Variants in SCTR observed in about 807,000 individuals in gnomAD.
SCTR encodes secretin receptor, also known as pancreatic secretin receptor.
A neutral mutation model predicts 60.8 loss-of-function variants in SCTR; 56 were observed. The observed-to-expected ratio is 0.92, with a 90% CI of 0.74 to 1.15. SCTR has a LOEUF of 1.15. Ranked by LOEUF, SCTR falls within the 50% of genes most tolerant of loss-of-function variation. The pLI, the probability that SCTR is intolerant of heterozygous loss-of-function variation, is 0.00. For synonymous variants in SCTR, 202 were observed against 217.0 expected, an observed-to-expected ratio of 0.93 and a Z score of 0.61; for missense variants, 562 against 550.4, an observed-to-expected ratio of 1.02 and a Z score of -0.21.
At chr2:119,460,459 G>C (rs1573821676) in intron 7 of SCTR, among the ~76,000 whole-genome samples, 1 of 151,902 alleles carries the variant, frequency 6.6e-6, no homozygotes, top group Non-Finnish European at 1.5e-5. Context: ...TGGATGGATG[G>C]ATGGATGGAT....
At chr2:119,499,757 T>G (rs1260671871) in intron 1 of SCTR, among the ~76,000 whole-genome samples, 2 of 151,428 alleles carry the variant, frequency 1.3e-5, no homozygotes, top group Admixed American at 6.6e-5. Flanking sequence ...CTCAGAAAAA[T>G]AGGAACAGAG....
chr2:119,459,496 T>TGA, intron 7 of SCTR, among the ~76,000 whole-genome samples: 1 of 152,078 alleles, frequency 6.6e-6, no homozygotes, highest in Non-Finnish European at 1.5e-5. Context: ...GAAATCAGTA[T>TGA]AATTTCAAGC....
At chr2:119,451,517 G>A (rs6707828) in intron 9 of SCTR, among the ~76,000 whole-genome samples, 3,126 of 152,242 alleles carry the variant, frequency 0.021, 99 homozygotes, top group African/African-American at 0.072. Context: ...CTTCCCTGGG[G>A]CCGCCCCTCC....
chr2:119,482,328 G>A (rs1007938207), intron 2 of SCTR, among the ~76,000 whole-genome samples: 1 of 152,236 alleles, frequency 6.6e-6, no homozygotes, highest in Non-Finnish European at 1.5e-5. Context: ...GGAAGTGGGA[G>A]GGCCCAGAGA....
chr2:119,455,130 AG>A (rs1175540980), intron 7 of SCTR, among the ~76,000 whole-genome samples: 1 of 152,148 alleles, frequency 6.6e-6, no homozygotes, highest in East Asian at 1.9e-4. Context: ...CGGGCCGCTC[AG>A]TTTTCAGGCC....
chr2:119,499,244 T>C (rs1678450357), intron 1 of SCTR, among the ~76,000 whole-genome samples: 1 of 152,022 alleles, frequency 6.6e-6, no homozygotes, highest in Non-Finnish European at 1.5e-5. Context: ...CTGATAGAAC[T>C]GAAAGGAGAA....
intron 7 of SCTR, 28 bp downstream of exon 7, chr2:119,461,819 C>T (rs746518234): frequency 4.4e-6 from 7 of 1,589,282 alleles, no homozygotes; most frequent in Non-Finnish European, 6.0e-6. Flanking sequence ...ACATACCATG[C>T]AGATATCAGA....
In SCTR at chr2:119,494,411, T is replaced by C. The variant is rs758326260; in HGVS notation, c.193+17A>G. ...TCCACCCCCAAGAGAGGACATGGGC[T>C]GTGGCAAGCCTCATACCTGGCACTG... is the stretch of plus-strand genomic sequence containing the variant. On this transcript the variant is annotated intron_variant, in intron 2 of 12. Transcript: ENST00000019103. The C allele has an allele frequency of 8.1e-6, 13 of 1,612,614 alleles. No individual in the cohort carries two copies. The highest frequency in any genetic ancestry group is 1.0e-5 in the Non-Finnish European group (12 of 1,179,322).
chr2:119,479,012 A>C (rs1009971075), intron 2 of SCTR, 94 bp from the exon 3 acceptor site: 9 of 1,553,764 alleles, frequency 5.8e-6, no homozygotes, highest in Non-Finnish European at 7.8e-6. Context: ...GCCTGCCTGG[A>C]ATTCCCACTA....
At chr2:119,504,742 C>A (rs961321186) in intron 1 of SCTR, among the ~76,000 whole-genome samples, 2 of 152,010 alleles carry the variant, frequency 1.3e-5, no homozygotes, top group Non-Finnish European at 1.5e-5. Context: ...AAAATTAAAA[C>A]CTTTGCTCCT....
chr2:119,490,530 A>G (rs1257345803), intron 2 of SCTR, among the ~76,000 whole-genome samples: 1 of 152,124 alleles, frequency 6.6e-6, no homozygotes, highest in Non-Finnish European at 1.5e-5. Context: ...GTCTAAAACT[A>G]CATGTGTGAT....
chr2:119,516,479 G>A (rs1679120053), intron 1 of SCTR, among the ~76,000 whole-genome samples: 1 of 152,042 alleles, frequency 6.6e-6, no homozygotes, highest in Admixed American at 6.6e-5. Context: ...GAAAAATACT[G>A]CATGATCTTA....
At chr2:119,451,291 T>C (rs1387605720) in intron 9 of SCTR, among the ~76,000 whole-genome samples, 1 of 152,170 alleles carries the variant, frequency 6.6e-6, no homozygotes, top group Non-Finnish European at 1.5e-5. Flanking sequence ...CCTTCCCTCC[T>C]CTGTCCCCCT....
chr2:119,452,968 G>T (rs1447290740), intron 8 of SCTR, among the ~76,000 whole-genome samples: 2 of 152,192 alleles, frequency 1.3e-5, no homozygotes, highest in African/African-American at 4.8e-5. Flanking sequence ...GAAAAAGCTG[G>T]ACTGGCCCTT....
At chr2:119,477,711 A>G (rs966539861) in intron 3 of SCTR, among the ~76,000 whole-genome samples, 7 of 152,186 alleles carry the variant, frequency 4.6e-5, no homozygotes, top group East Asian at 1.9e-4. Flanking sequence ...TCGGCCTCCC[A>G]AAGTACTGGG....
intron 2 of SCTR, 73 bp from the exon 3 acceptor site, chr2:119,478,991 C>T: frequency 1.3e-6 from 2 of 1,590,370 alleles, no homozygotes; most frequent in Non-Finnish European, 1.7e-6. Flanking sequence ...GTCCACATCA[C>T]CGACACCCTT....
intron 3 of SCTR, chr2:119,476,317 C>A (rs149586070): frequency 6.6e-6 from 1 of 152,236 alleles, no homozygotes; most frequent in Admixed American, 6.5e-5. Context: ...GCCACCCACC[C>A]CCAGGCTGGG....
intron 1 of SCTR, among the ~76,000 whole-genome samples, chr2:119,499,267 A>G (rs921306964): frequency 1.2e-4 from 19 of 152,080 alleles, no homozygotes; most frequent in Non-Finnish European, 1.9e-4. Context: ...AGGCAAATCT[A>G]CAATTTTAGT....
intron 1 of SCTR, among the ~76,000 whole-genome samples, chr2:119,503,691 G>A (rs1018569603): frequency 6.6e-6 from 1 of 152,162 alleles, no homozygotes; most frequent in African/African-American, 2.4e-5. Flanking sequence ...TTTTAGGGCA[G>A]TGAATCGATT....
Sources: gnomAD v4.1 joint callset for allele counts (sites outside exome capture counted in the v4.1 genomes callset) on GRCh38, gnomAD v4.1.1 for gene constraint, MANE v1.5 for transcripts, NCBI Gene and HGNC (gene_info 2026-07-23, HGNC 2026-07-21) for gene names.